Variants in ACAP3 observed in about 807,000 individuals in gnomAD.
ACAP3 encodes the protein arf-GAP with coiled-coil, ANK repeat and PH domain-containing protein 3.
A neutral mutation model predicts 104.1 loss-of-function variants in ACAP3; 56 were observed. That is an observed-to-expected ratio of 0.54 (90% CI 0.43 to 0.67). ACAP3 has a LOEUF of 0.67. Among genes scored for constraint, ACAP3 ranks in the 30% least tolerant of loss-of-function variants. ACAP3 has a pLI of 0.00. For missense variants in ACAP3, 1,208 were observed against 1,174.9 expected, an observed-to-expected ratio of 1.03 and a Z score of -0.41; for synonymous variants, 628 against 496.2, an observed-to-expected ratio of 1.27 and a Z score of -3.53.
Position 1,299,111 on chromosome 1 carries a change from G to A in ACAP3, c.750+234C>T, listed in dbSNP as rs1010969858. 1.0e-5 allele frequency: 6 copies of A among 595,618 alleles called. No homozygotes were observed. The African/African-American group carries it at 1.2e-4, about 12-fold the overall frequency. The allele number at this position is 595,618 out of a possible 1,614,324, so 36.9% of individuals were successfully genotyped here. On this transcript the variant is annotated intron_variant, in intron 10 of 23. Coordinates refer to ENST00000354700, the MANE Select transcript of ACAP3 (RefSeq NM_030649.3). ...CAGGCCAGGGAAGCAGAGGGGAGGGGCGGCCACCTGCTCCCCAGGCCACAT... is the reference window on the plus strand; with the variant it reads ...CAGGCCAGGGAAGCAGAGGGGAGGGACGGCCACCTGCTCCCCAGGCCACAT...
chr1:1,298,488 C>T (rs1641297767), intron 11 of ACAP3, 67 bp from the exon 12 acceptor site: 2 of 1,556,008 alleles, frequency 1.3e-6, no homozygotes, highest in South Asian at 1.2e-5. Context: ...ACCCCTGCCC[C>T]CACCTGAGGA....
At chr1:1,298,135 C>T (rs1196633699) in intron 12 of ACAP3, 22 bp from the exon 13 acceptor site, 3 of 1,590,034 alleles carry the variant, frequency 1.9e-6, no homozygotes, top group Non-Finnish European at 2.6e-6. Context: ...ACCGCTGTGG[C>T]CCCTGCCCTC....
intron 4 of ACAP3, 126 bp from the exon 5 acceptor site, chr1:1,302,172 AGG>A: frequency 2.4e-6 from 2 of 825,794 alleles, no homozygotes; most frequent in Non-Finnish European, 3.4e-6. Flanking sequence ...CCCACCCTGC[AGG>A]GCTGGCCTCA....
intron 10 of ACAP3, 47 bp from the exon 11 acceptor site, chr1:1,298,726 G>A: frequency 6.8e-7 from 1 of 1,461,598 alleles, no homozygotes; most frequent in South Asian, 1.1e-5. Context: ...CAGGGGCCCT[G>A]CTACCCTCCG....
intron 14 of ACAP3, 140 bp from the exon 15 acceptor site, chr1:1,296,773 A>G (rs1641182732): frequency 1.1e-6 from 1 of 883,904 alleles, no homozygotes; most frequent in African/African-American, 1.7e-5. Flanking sequence ...GTACACGCGC[A>G]CACCCTCACG....
rs1234742197 is a variant in ACAP3 at position 1,296,049 on chromosome 1, C to G, written c.1468G>C (p.Ala490Pro). Reference protein sequence around the residue: ...NQIYEAQCEGAGSRKPTASSS... With the variant: ...NQIYEAQCEGPGSRKPTASSS... ...CTGGCTGTGGGTTTCCTGCTGCCTG[C>G]ACCCTCACACTGGGCCTCATAGATC... The change falls in exon 17 of 24, where the codon GCA (alanine) becomes CCA (proline). Residue 490 changes from alanine (A) to proline (P), a missense_variant. By Grantham distance (27) the Ala-to-Pro change is conservative (BLOSUM62 -1). Transcript: ENST00000354700. 1 of 1,612,820 alleles carries G rather than the reference C, an allele frequency of 6.2e-7. No homozygotes were observed. The highest frequency in any genetic ancestry group is 8.5e-7 in the Non-Finnish European group (1 of 1,179,980).
chr1:1,298,535 G>A, intron 11 of ACAP3, 32 bp downstream of exon 11: 1 of 1,383,002 alleles, frequency 7.2e-7, no homozygotes. Flanking sequence ...CCCGCCTAAG[G>A]ACCCCGCCCC....
chr1:1,307,699 C>G (rs917013024), intron 1 of ACAP3, 70 bp downstream of exon 1: 2 of 1,066,666 alleles, frequency 1.9e-6, no homozygotes, highest in Non-Finnish European at 2.3e-6. Context: ...CTCCCCACCC[C>G]GCCGCCGGGC....
intron 1 of ACAP3, 45 bp from the exon 2 acceptor site, chr1:1,304,188 CCCCTCGGGGCT>C (rs1441719524): frequency 6.5e-7 from 1 of 1,549,308 alleles, no homozygotes; most frequent in African/African-American, 1.4e-5. Flanking sequence ...CAGCCTCAGC[CCCCTCGGGGCT>C]TCACCTCCCC....
In ACAP3 at chr1:1,294,515, CTGCGCGG is replaced by C; in HGVS notation, c.2019_2025del (p.His673GlnfsTer38). ...AGCGCAGGAAGGTCGCGGGCACGCG[CTGCGCGG>C]TGCGCCAAGAGCCCCGGGTGCAGCT... On this transcript the variant is annotated frameshift_variant, in exon 21 of 24. Transcript: ENST00000354700. LOFTEE classifies it high-confidence loss of function. 2.0e-6 allele frequency: 3 copies of C among 1,506,396 alleles called. No individual in the cohort carries two copies. In the South Asian group the frequency reaches 3.8e-5, roughly 19 times the overall value. The allele number at this position is 1,506,396 out of a possible 1,614,324, so 93.3% of individuals were successfully genotyped here. A position where few individuals can be genotyped will look rare whatever the true frequency, so the allele number is the denominator to read the frequency against.
intron 5 of ACAP3, 41 bp downstream of exon 5, chr1:1,301,947 G>T: frequency 6.6e-7 from 1 of 1,515,332 alleles, no homozygotes; most frequent in African/African-American, 1.4e-5. Context: ...GGGAGGGAGC[G>T]TGGCCTCAGT....
chr1:1,301,731 CCA>C (rs1204676673), intron 5 of ACAP3: 1 of 358,382 alleles, frequency 2.8e-6, no homozygotes, highest in African/African-American at 2.1e-5. Context: ...CAGCCATGCC[CCA>C]GACTCCAGAC....
intron 14 of ACAP3, among the ~76,000 whole-genome samples, 161 bp from the exon 15 acceptor site, chr1:1,296,794 GC>G (rs376577103): frequency 0.05 from 7,297 of 145,932 alleles, 577 homozygotes; most frequent in African/African-American, 0.16. Flanking sequence ...TGGGCAGATG[GC>G]CCCCCCCTCG....
rs1347919211 is a variant in ACAP3, at chr1:1,299,063, G to A, written c.750+282C>T. 1.1e-4 allele frequency: 62 copies of A among 572,518 alleles called. 1 individual carries two copies. The highest frequency in any genetic ancestry group is 1.9e-5 in the African/African-American group (1 of 51,584). 35.5% of individuals were successfully genotyped at this position (572,518 alleles called of 1,614,324 possible). On this transcript the variant is annotated intron_variant, in intron 10 of 23. Coordinates refer to ENST00000354700, the MANE Select transcript of ACAP3 (RefSeq NM_030649.3). ...TCAGGAGGCCTGGGAGTCACTGAGG[G>A]CCCTGTGTGTCCCGCCATCTGGCAG...
chr1:1,302,479 G>A (rs1641485947), intron 4 of ACAP3, among the ~76,000 whole-genome samples: 1 of 152,204 alleles, frequency 6.6e-6, no homozygotes, highest in African/African-American at 2.4e-5. Context: ...ACAACCAGGA[G>A]CAAAGGGACG....
intron 18 of ACAP3, 24 bp from the exon 19 acceptor site, chr1:1,295,578 A>C (rs779914370): frequency 7.5e-6 from 12 of 1,607,330 alleles, no homozygotes; most frequent in African/African-American, 1.3e-5. Flanking sequence ...GCGTGTTCAG[A>C]GTGTGGAACA....
Position 1,303,957 on chromosome 1 carries a change from C to G in ACAP3, c.105+129G>C. 1 of 1,111,838 alleles carries G rather than the reference C, an allele frequency of 9.0e-7. No individual in the cohort carries two copies. The highest frequency in any genetic ancestry group is 1.3e-6 in the Non-Finnish European group (1 of 773,542). 68.9% of individuals were successfully genotyped at this position (1,111,838 alleles called of 1,614,324 possible). A position where few individuals can be genotyped will look rare whatever the true frequency, so the allele number is the denominator to read the frequency against. On this transcript the variant is annotated intron_variant, in intron 2 of 23. Coordinates refer to ENST00000354700, the MANE Select transcript of ACAP3 (RefSeq NM_030649.3). This position sits in a 1 kb window ranked among gnomAD's most constrained non-coding sequence, Gnocchi z 4.0. ...ACATGCTAAGACACAGGGACCAGGA[C>G]CTGGAGCACCACACGCATGCTCCAC...
intron 4 of ACAP3, 123 bp downstream of exon 4, chr1:1,302,799 C>CT (rs934380588): frequency 1.1e-5 from 3 of 284,142 alleles, no homozygotes; most frequent in Middle Eastern, 2.6e-3. Flanking sequence ...TGGGATTCCC[C>CT]CCCCCCCCGA....
chr1:1,307,437 C>T, intron 1 of ACAP3: 1 of 1,294,884 alleles, frequency 7.7e-7, no homozygotes, highest in South Asian at 1.2e-5. Context: ...CGGACCCAGA[C>T]GACCCTGGCC....
Sources: gnomAD v4.1 joint callset for allele counts (sites outside exome capture counted in the v4.1 genomes callset) on GRCh38, gnomAD v4.1.1 for gene constraint, Gnocchi (gnomAD v3.1) non-coding constraint, MANE v1.5 for transcripts, NCBI Gene and HGNC (gene_info 2026-07-23, HGNC 2026-07-21) for gene names.